The following SNX13 variants were observed in gnomAD, a reference collection of about 807,000 sequenced individuals.
The protein encoded by SNX13 is sorting nexin 13.
Under a neutral mutation model 133.6 loss-of-function variants are expected in SNX13, and 45 were observed. The observed-to-expected ratio is 0.34, with a 90% CI of 0.27 to 0.43. SNX13 has a LOEUF of 0.43. Ranked by LOEUF, SNX13 falls within the 20% of genes least tolerant of loss-of-function variation. The probability of loss-of-function intolerance (pLI) is 1.00; values close to 1 mark genes in which losing one functional copy is unlikely to be tolerated. For synonymous variants in SNX13, 414 were observed against 373.9 expected (o/e 1.11, Z -1.24); for missense variants, 1,032 against 1,145.1 (o/e 0.90, Z 1.43).
chr7:17,818,582 A>G (rs950250283), intron 18 of SNX13, among the ~76,000 whole-genome samples: 3 of 152,178 alleles, frequency 2.0e-5, no homozygotes, highest in African/African-American at 7.2e-5. Flanking sequence ...CCATTCCCTG[A>G]AAAGTAATAT....
At chr7:17,847,839 CA>C in intron 11 of SNX13, among the ~76,000 whole-genome samples, 1 of 152,276 alleles carries the variant, frequency 6.6e-6, no homozygotes, top group African/African-American at 2.4e-5. Flanking sequence ...GGTCAATTCT[CA>C]GTCTTCATCT....
Position 17,814,136 on chromosome 7 carries a change from T to A in SNX13, c.2064+698A>T, listed in dbSNP as rs546906320. Among the ~76,000 whole-genome samples the A allele has an allele frequency of 1.1e-4, 16 of 152,274 alleles. No individual in the cohort carries two copies. In the South Asian group the frequency reaches 3.3e-3, roughly 32 times the overall value. On this transcript the variant is annotated intron_variant, in intron 20 of 25. Coordinates refer to ENST00000428135, the MANE Select transcript of SNX13 (RefSeq NM_015132.5). ...CTAAGAGCAAACATTTATTCAGAGG[T>A]TTATTATTTTCCAGGCACTGTAATA...
chr7:17,873,681 T>G, intron 7 of SNX13, 65 bp from the exon 8 acceptor site: 3 of 969,784 alleles, frequency 3.1e-6, no homozygotes, highest in Admixed American at 6.6e-5. Context: ...CCTCTTGATA[T>G]ATAAGATACA....
intron 1 of SNX13, among the ~76,000 whole-genome samples, chr7:17,934,464 G>A (rs1000171214): frequency 1.1e-4 from 16 of 152,158 alleles, no homozygotes; most frequent in African/African-American, 3.6e-4. Flanking sequence ...GTTTCCAGAG[G>A]AGACTGAGAT....
chr7:17,891,363 G>A (rs1277939290), intron 4 of SNX13, among the ~76,000 whole-genome samples, 183 bp downstream of exon 4: 1 of 151,962 alleles, frequency 6.6e-6, no homozygotes, highest in African/African-American at 2.4e-5. Flanking sequence ...TTTACATAAA[G>A]TAAACCACCT....
At chr7:17,918,936 T>C (rs1049458314) in intron 1 of SNX13, among the ~76,000 whole-genome samples, 2 of 152,196 alleles carry the variant, frequency 1.3e-5, no homozygotes, top group African/African-American at 4.8e-5. Context: ...TCATGTCCTT[T>C]GCAGCAACAT....
At chr7:17,917,765 A>C (rs1374106408) in intron 1 of SNX13, among the ~76,000 whole-genome samples, 2 of 152,190 alleles carry the variant, frequency 1.3e-5, no homozygotes, top group East Asian at 3.8e-4. Flanking sequence ...TCAAAGTGTC[A>C]ACATCATTTT....
intron 5 of SNX13, among the ~76,000 whole-genome samples, chr7:17,876,155 TTTTG>T (rs1299551299): frequency 2.6e-5 from 4 of 152,234 alleles, no homozygotes; most frequent in Non-Finnish European, 5.9e-5. Flanking sequence ...TTCTGAATAG[TTTTG>T]TTTGCTTTAA....
rs71010273 is a variant in SNX13, at chr7:17,801,009, C to CATATATATATAT, written c.2298+567_2298+578dup. Among the ~76,000 whole-genome samples, 73 of 120,114 alleles carry CATATATATATAT rather than the reference C, an allele frequency of 6.1e-4. 1 individual carries two copies. The highest frequency in any genetic ancestry group is 9.2e-4 in the Non-Finnish European group (49 of 53,466). 78.8% of individuals were successfully genotyped at this position (120,114 alleles called of 152,430 possible). The stretch of plus-strand genomic sequence containing the variant: ...CTTGGCAGTATCTACTAAAACTGAA[C>CATATATATATAT]ATATATATATATATATATATATATA... On this transcript the variant is annotated intron_variant, in intron 22 of 25. Transcript: ENST00000428135.
intron 1 of SNX13, among the ~76,000 whole-genome samples, chr7:17,911,680 C>A (rs529478732): frequency 1.3e-5 from 2 of 150,428 alleles, no homozygotes; most frequent in Non-Finnish European, 3.0e-5. Flanking sequence ...CTTCCCATAA[C>A]GACTTTACTT....
chr7:17,934,519 G>A (rs1029126761), intron 1 of SNX13, among the ~76,000 whole-genome samples: 3 of 152,164 alleles, frequency 2.0e-5, no homozygotes, highest in Non-Finnish European at 4.4e-5. Flanking sequence ...TGCCTTCCAT[G>A]TGGGCAGGCA....
intron 1 of SNX13, among the ~76,000 whole-genome samples, chr7:17,919,769 C>T (rs1355188435): frequency 2.0e-5 from 3 of 152,132 alleles, no homozygotes; most frequent in African/African-American, 7.2e-5. Context: ...TTATCTTGCA[C>T]ATCTAAAACA....
At chr7:17,926,164 T>C (rs1800731902) in intron 1 of SNX13, among the ~76,000 whole-genome samples, 1 of 152,188 alleles carries the variant, frequency 6.6e-6, no homozygotes, top group Middle Eastern at 3.4e-3. Context: ...ACGAAGAAAG[T>C]AGAGAGAAAG....
chr7:17,833,276 T>C (rs560286117), intron 15 of SNX13, among the ~76,000 whole-genome samples: 1 of 151,808 alleles, frequency 6.6e-6, no homozygotes, highest in Admixed American at 6.6e-5. Context: ...TAACTCACTA[T>C]TTACTAATAA....
intron 11 of SNX13, among the ~76,000 whole-genome samples, chr7:17,849,249 T>C (rs1477970115): frequency 1.3e-5 from 2 of 152,204 alleles, no homozygotes; most frequent in East Asian, 3.9e-4. Context: ...ATTTATACAG[T>C]TGCTCAAACC....
intron 19 of SNX13, among the ~76,000 whole-genome samples, 176 bp from the exon 20 acceptor site, chr7:17,815,120 G>A (rs1583340077): frequency 2.0e-5 from 3 of 151,972 alleles, no homozygotes; most frequent in South Asian, 4.1e-4. Context: ...ATTTTATGAC[G>A]ATTAACAGTT....
rs545849867 is a variant in SNX13, at chr7:17,897,390, G to A, written c.69C>T (p.Thr23=). Reference sequence around the variant, plus strand: ...AATAAAATATTACAAAGGGTCCAAAGGTTATCAGAAAAAGGACAATGCCAA... The same window carrying A: ...AATAAAATATTACAAAGGGTCCAAAAGTTATCAGAAAAAGGACAATGCCAA... ...GSLGIVLFLI[T]FGPFVIFYLT... is the part of the protein sequence containing the mutation. Residue 23 remains threonine, a synonymous_variant, in exon 2 of 26, where the codon ACC becomes ACT. Coordinates refer to ENST00000428135, the MANE Select transcript of SNX13 (RefSeq NM_015132.5). 1.2e-6 allele frequency: 2 copies of A among 1,605,210 alleles called. No homozygotes were observed. Among genetic ancestry groups the A allele is most frequent in the African/African-American group, 1.3e-5 (1 of 74,800 alleles).
intron 15 of SNX13, 100 bp downstream of exon 15, chr7:17,833,952 G>T (rs778445121): frequency 2.4e-6 from 2 of 830,798 alleles, no homozygotes; most frequent in Non-Finnish European, 3.3e-6. Context: ...GTTTATATTT[G>T]GACTCCAACA....
chr7:17,932,523 A>ACATT (rs750292470), intron 1 of SNX13, among the ~76,000 whole-genome samples: 2 of 152,234 alleles, frequency 1.3e-5, no homozygotes, highest in East Asian at 1.9e-4. Context: ...GAAATATTCA[A>ACATT]CATTCATTCA....
Sources: allele counts gnomAD v4.1 joint callset (sites outside exome capture counted in the v4.1 genomes callset), GRCh38; gene constraint gnomAD v4.1.1; transcripts MANE v1.5; gene names NCBI Gene and HGNC (gene_info 2026-07-23, HGNC 2026-07-21).